Variants in VKORC1L1 observed in about 807,000 individuals in gnomAD.
VKORC1L1 encodes the protein vitamin K epoxide reductase complex subunit 1-like protein 1.
A neutral mutation model predicts 18.9 loss-of-function variants in VKORC1L1; 2 were observed. The observed-to-expected ratio is 0.11, with a 90% confidence interval of 0.04 to 0.33. The LOEUF (loss-of-function observed/expected upper bound fraction) is 0.33, where lower values mean the gene tolerates loss of function less well. VKORC1L1 is among the 10% of genes least tolerant of loss of function. The pLI, the probability that VKORC1L1 is intolerant of heterozygous loss-of-function variation, is 1.00. For missense variants in VKORC1L1, 123 were observed against 224.1 expected (o/e 0.55, Z 2.88); for synonymous variants, 96 against 100.0 (o/e 0.96, Z 0.24).
At chr7:65,912,638 C>T (rs918547517) in intron 1 of VKORC1L1, among the ~76,000 whole-genome samples, 6 of 152,252 alleles carry the variant, frequency 3.9e-5, no homozygotes, top group Non-Finnish European at 7.4e-5. Context: ...GGCTCGTACC[C>T]TTTGAAACTG....
At chr7:65,898,591 C>A (rs1470652607) in intron 1 of VKORC1L1, among the ~76,000 whole-genome samples, 1 of 152,176 alleles carries the variant, frequency 6.6e-6, no homozygotes, top group Non-Finnish European at 1.5e-5. Flanking sequence ...GATATGCTAA[C>A]ACTGGCTGTC....
chr7:65,930,555 G>A (rs999355856), intron 1 of VKORC1L1, among the ~76,000 whole-genome samples: 3 of 152,188 alleles, frequency 2.0e-5, no homozygotes, highest in Non-Finnish European at 4.4e-5. Context: ...TGGCTTCCTT[G>A]GTTGGTGGCT....
intron 1 of VKORC1L1, among the ~76,000 whole-genome samples, chr7:65,883,782 G>A (rs1279510117): frequency 6.9e-6 from 1 of 144,170 alleles, no homozygotes; most frequent in East Asian, 2.2e-4. Flanking sequence ...ACAGGTGCAA[G>A]CCACCACACC....
intron 2 of VKORC1L1, among the ~76,000 whole-genome samples, chr7:65,949,919 C>CTCCT (rs1467582094): frequency 6.6e-6 from 1 of 152,142 alleles, no homozygotes; most frequent in South Asian, 2.1e-4. Context: ...AGACCTCCTG[C>CTCCT]TCCTTCCTTC....
At chr7:65,882,688 G>A (rs1788947957) in intron 1 of VKORC1L1, among the ~76,000 whole-genome samples, 1 of 152,030 alleles carries the variant, frequency 6.6e-6, no homozygotes, top group South Asian at 2.1e-4. Context: ...TTTTAGGCTA[G>A]TGCTTGTTTG....
chr7:65,881,530 A>G lies in VKORC1L1; in HGVS notation c.194+7965A>G, dbSNP rs148473688. On this transcript the variant is annotated intron_variant, in intron 1 of 2. Transcript: ENST00000360768. ...GGTGGTGTGGTTATAAAGTGGTAGC[A>G]TGAGGGAGCTGTGTAGGGATGGAAC... Among the ~76,000 whole-genome samples the G allele has an allele frequency of 9.2e-3, 1,401 of 152,310 alleles. 23 individuals carry two copies. The highest frequency in any genetic ancestry group is 0.03 in the African/African-American group (1,262 of 41,564).
intron 1 of VKORC1L1, among the ~76,000 whole-genome samples, chr7:65,876,502 TA>T (rs776287254): frequency 9.0e-3 from 1,232 of 136,810 alleles, no homozygotes; most frequent in African/African-American, 0.014. Flanking sequence ...ACTCTGTCTT[TA>T]AAAAAAAAAA....
At chr7:65,901,303 A>G (rs1404688336) in intron 1 of VKORC1L1, among the ~76,000 whole-genome samples, 1 of 152,162 alleles carries the variant, frequency 6.6e-6, no homozygotes, top group Admixed American at 6.5e-5. Context: ...TTGAAGCTGC[A>G]GTGAATTATG....
chr7:65,918,375 C>A (rs1204230085), intron 1 of VKORC1L1, among the ~76,000 whole-genome samples: 1 of 152,182 alleles, frequency 6.6e-6, no homozygotes, highest in Non-Finnish European at 1.5e-5. Flanking sequence ...ATTGCCAGAG[C>A]AAATTAAGCA....
intron 1 of VKORC1L1, among the ~76,000 whole-genome samples, chr7:65,911,007 A>T (rs1789493368): frequency 6.6e-6 from 1 of 152,178 alleles, no homozygotes; most frequent in South Asian, 2.1e-4. Flanking sequence ...ATATCTCTTC[A>T]GTTAACACAC....
At position 65,924,138 on chromosome 7, in the gene VKORC1L1, G is replaced by A. The variant is rs146954086; in HGVS notation, c.195-24533G>A. Among the ~76,000 whole-genome samples the A allele has an allele frequency of 2.1e-3, 323 of 152,312 alleles. 1 individual carries two copies. The highest frequency in any genetic ancestry group is 7.1e-3 in the African/African-American group (293 of 41,554). The stretch of plus-strand genomic sequence containing the variant: ...TGATCTAGCCGGGGTAGGCTTCCCA[G>A]TAAGGAATGTGAGATCAGTATGTTC... On this transcript the variant is annotated intron_variant, in intron 1 of 2. Transcript: ENST00000360768.
chr7:65,926,682 C>G lies in VKORC1L1; in HGVS notation c.195-21989C>G, dbSNP rs1055318172. On this transcript the variant is annotated intron_variant, in intron 1 of 2. Transcript: ENST00000360768. Reference sequence around the variant, plus strand: ...TTTATAGCAGCACAATTCACAATTGCAAAGACATGGCACAAGCCTAAGTGC... The same window carrying G: ...TTTATAGCAGCACAATTCACAATTGGAAAGACATGGCACAAGCCTAAGTGC... Among the ~76,000 whole-genome samples, 4 of 152,140 alleles carry G rather than the reference C, an allele frequency of 2.6e-5. No individual in the cohort carries two copies. In the East Asian group the frequency reaches 5.8e-4, roughly 22 times the overall value.
intron 1 of VKORC1L1, among the ~76,000 whole-genome samples, chr7:65,938,927 G>A (rs1789990649): frequency 6.6e-6 from 1 of 152,170 alleles, no homozygotes; most frequent in Admixed American, 6.5e-5. Context: ...CCACTGTGGA[G>A]GAGATGGATG....
intron 1 of VKORC1L1, among the ~76,000 whole-genome samples, chr7:65,883,365 C>T (rs1262877131): frequency 6.6e-6 from 1 of 151,500 alleles, no homozygotes; most frequent in Non-Finnish European, 1.5e-5. Flanking sequence ...TGGTCAGGCT[C>T]GTCTCGAACT....
intron 1 of VKORC1L1, among the ~76,000 whole-genome samples, chr7:65,931,776 G>T (rs903512689): frequency 6.6e-6 from 1 of 151,726 alleles, no homozygotes; most frequent in African/African-American, 2.4e-5. Flanking sequence ...AGAATAGCTG[G>T]GATTACAGAC....
chr7:65,895,439 A>C, intron 1 of VKORC1L1, among the ~76,000 whole-genome samples: 1 of 127,708 alleles, frequency 7.8e-6, no homozygotes, highest in Non-Finnish European at 1.6e-5. Flanking sequence ...CATATAGTGA[A>C]ATGCCATCTG....
At chr7:65,898,158 G>A (rs1789249354) in intron 1 of VKORC1L1, among the ~76,000 whole-genome samples, 1 of 133,134 alleles carries the variant, frequency 7.5e-6, no homozygotes, top group Admixed American at 8.9e-5. Context: ...GCACGATCTC[G>A]GCTCACTGCA....
upstream of VKORC1L1, among the ~76,000 whole-genome samples, chr7:65,872,613 C>T (rs545432694): frequency 1.1e-3 from 163 of 152,214 alleles, no homozygotes; most frequent in Non-Finnish European, 2.0e-3. Flanking sequence ...CGGGTGTAAG[C>T]CACTGTACCC....
chr7:65,875,487 G>A (rs531749156), intron 1 of VKORC1L1, among the ~76,000 whole-genome samples: 1 of 151,774 alleles, frequency 6.6e-6, no homozygotes, highest in African/African-American at 2.4e-5. Flanking sequence ...GTGCGATCTC[G>A]ACTCACTGCA....
Sources: allele counts gnomAD v4.1 joint callset (sites outside exome capture counted in the v4.1 genomes callset), GRCh38; gene constraint gnomAD v4.1.1; transcripts MANE v1.5; gene names NCBI Gene and HGNC (gene_info 2026-07-23, HGNC 2026-07-21).